The following HK1 variants were observed in gnomAD, a reference collection of about 807,000 sequenced individuals.
HK1 encodes the protein hexokinase-1.
A neutral mutation model predicts 91.6 loss-of-function variants in HK1; 28 were observed. The ratio of observed to expected loss-of-function variants is 0.31; its 90% confidence interval spans 0.23 to 0.42. The LOEUF (loss-of-function observed/expected upper bound fraction) is 0.42, where lower values mean the gene tolerates loss of function less well. Ranked by LOEUF, HK1 falls within the 10% of genes least tolerant of loss-of-function variation. HK1 has a pLI of 1.00. For synonymous variants in HK1, 430 were observed against 468.1 expected (o/e 0.92, Z 1.05); for missense variants, 770 against 1,219.8 (o/e 0.63, Z 5.49).
chr10:69,387,871 T>TA (rs1839717199), intron 13 of HK1, among the ~76,000 whole-genome samples: 1 of 99,324 alleles, frequency 1.0e-5, no homozygotes, highest in Non-Finnish European at 2.0e-5. Flanking sequence ...GAGACTGTTT[T>TA]AAATTTTTTT....
intron 2 of HK1, among the ~76,000 whole-genome samples, chr10:69,356,568 G>T (rs1365397409): frequency 1.3e-5 from 2 of 152,110 alleles, no homozygotes; most frequent in South Asian, 2.1e-4. Context: ...AACATAAAAA[G>T]AACTTTTACA....
intron 2 of HK1, among the ~76,000 whole-genome samples, chr10:69,351,179 T>TAAA (rs1848846168): frequency 7.8e-5 from 9 of 114,938 alleles, no homozygotes; most frequent in African/African-American, 3.4e-4. Context: ...CGTCTCAAAA[T>TAAA]TAAATAAATA....
At chr10:69,315,938 T>C (rs776282919), upstream of HK1, 18 of 1,613,352 alleles carry the variant, frequency 1.1e-5, no homozygotes, top group African/African-American at 2.4e-4. Context: ...TAAAGAGGAG[T>C]CTGGGTGTAT....
upstream of HK1, chr10:69,318,845 A>T: frequency 1.3e-6 from 2 of 1,481,990 alleles, no homozygotes; most frequent in Non-Finnish European, 1.8e-6. Flanking sequence ...GGGGAGGAGG[A>T]GGAGGAGGAG....
chr10:69,308,751 T>G (rs998002946), intron 5 of HK1, among the ~76,000 whole-genome samples: 1 of 152,172 alleles, frequency 6.6e-6, no homozygotes, highest in Non-Finnish European at 1.5e-5. Flanking sequence ...TGAGAGGGTC[T>G]GTCTCTCTTC....
intron 15 of HK1, among the ~76,000 whole-genome samples, chr10:69,392,575 C>A (rs1017131212): frequency 1.3e-5 from 2 of 152,190 alleles, no homozygotes; most frequent in African/African-American, 4.8e-5. Context: ...GGATTCTGGC[C>A]TTCCGGTCCC....
upstream of HK1, among the ~76,000 whole-genome samples, chr10:69,315,619 G>C (rs140254662): frequency 3.2e-3 from 488 of 152,358 alleles, 5 homozygotes; most frequent in African/African-American, 0.011. Flanking sequence ...AAATTATTAA[G>C]GAAATTAGTG....
chr10:69,330,138 A>G (rs887715283), intron 1 of HK1, among the ~76,000 whole-genome samples: 1 of 152,038 alleles, frequency 6.6e-6, no homozygotes, highest in Non-Finnish European at 1.5e-5. Flanking sequence ...TGATTGACAC[A>G]TGGGGCTTGT....
chr10:69,319,067 C>T, intron 1 of HK1, 57 bp downstream of exon 1: 3 of 1,547,490 alleles, frequency 1.9e-6, no homozygotes, highest in Non-Finnish European at 2.6e-6. Flanking sequence ...TTCCGGCATC[C>T]GCTCGCCGCC....
At chr10:69,394,093 A>C (rs528728187) in intron 15 of HK1, among the ~76,000 whole-genome samples, 1 of 152,354 alleles carries the variant, frequency 6.6e-6, no homozygotes, top group African/African-American at 2.4e-5. Flanking sequence ...CATGGACCAC[A>C]TGAAATAGGA....
intron 8 of HK1, among the ~76,000 whole-genome samples, 179 bp downstream of exon 8, chr10:69,377,268 T>C (rs1290747260): frequency 6.6e-6 from 1 of 152,122 alleles, no homozygotes; most frequent in African/African-American, 2.4e-5. Context: ...TGAAGGCACT[T>C]GTGGCGGTTC....
rs182566719 is a variant in HK1, at chr10:69,400,453, G to A, written c.2610-538G>A. Among the ~76,000 whole-genome samples, 65 of 145,596 alleles carry A rather than the reference G, an allele frequency of 4.5e-4. No homozygotes were observed. In the East Asian group the frequency reaches 7.5e-3, roughly 17 times the overall value. Reference sequence around the variant, plus strand: ...GGGGCCAGGCTGTTGATGGTGGGGCGCTGGGGGTCTCAGGGTTGCAGCTGG... The same window carrying A: ...GGGGCCAGGCTGTTGATGGTGGGGCACTGGGGGTCTCAGGGTTGCAGCTGG... On this transcript the variant is annotated intron_variant, in intron 17 of 17. Coordinates refer to ENST00000359426, the MANE Select transcript of HK1 (RefSeq NM_000188.3).
chr10:69,304,539 C>T (rs1461688672), intron 5 of HK1, among the ~76,000 whole-genome samples: 1 of 152,166 alleles, frequency 6.6e-6, no homozygotes, highest in Non-Finnish European at 1.5e-5. Context: ...AACTCCTGAC[C>T]TCAAGTGATC....
At chr10:69,346,641 C>T (rs190824997) in intron 2 of HK1, among the ~76,000 whole-genome samples, 3 of 152,036 alleles carry the variant, frequency 2.0e-5, no homozygotes, top group East Asian at 1.9e-4. Context: ...GCTGGGATTA[C>T]AGGCGTGAGC....
intron 9 of HK1, among the ~76,000 whole-genome samples, chr10:69,382,176 C>T (rs1839418410): frequency 6.6e-6 from 1 of 152,180 alleles, no homozygotes. Context: ...ATAGCTTGAA[C>T]CTAGAAGTTT....
chr10:69,318,361 C>T (rs1013052649), upstream of HK1: 1 of 349,788 alleles, frequency 2.9e-6, no homozygotes, highest in Middle Eastern at 1.5e-3. Flanking sequence ...TCCGGCACCT[C>T]GGCGTCCACC....
intron 2 of HK1, 145 bp from the exon 3 acceptor site, chr10:69,359,752 T>G: frequency 1.3e-6 from 1 of 797,386 alleles, no homozygotes; most frequent in South Asian, 1.4e-5. Flanking sequence ...TTGGATGAAG[T>G]TTGCATGATT....
At chr10:69,317,371 G>A (rs546630317), upstream of HK1, among the ~76,000 whole-genome samples, 38 of 152,278 alleles carry the variant, frequency 2.5e-4, no homozygotes, top group African/African-American at 7.2e-4. Context: ...CAGGGGGTGG[G>A]GACTGTGACC....
chr10:69,318,019 C>T, upstream of HK1: 1 of 984,554 alleles, frequency 1.0e-6, no homozygotes, highest in Non-Finnish European at 1.2e-6. Flanking sequence ...GCCTGGATGC[C>T]CAAGAGCAAG....
Sources: allele counts gnomAD v4.1 joint callset (sites outside exome capture counted in the v4.1 genomes callset), GRCh38; gene constraint gnomAD v4.1.1; transcripts MANE v1.5; gene names NCBI Gene and HGNC (gene_info 2026-07-23, HGNC 2026-07-21).